The following ELMO1 variants were observed in gnomAD, a reference collection of about 807,000 sequenced individuals.
ELMO1 encodes the protein engulfment and cell motility protein 1.
In ELMO1, 26 loss-of-function variants were observed where a neutral mutation model predicts 98.9. The ratio of observed to expected loss-of-function variants is 0.26; its 90% confidence interval spans 0.19 to 0.36. The LOEUF (loss-of-function observed/expected upper bound fraction) is 0.36, where lower values mean the gene tolerates loss of function less well. Among genes scored for constraint, ELMO1 ranks in the 10% least tolerant of loss-of-function variants. The probability of loss-of-function intolerance (pLI) is 1.00; values close to 1 mark genes in which losing one functional copy is unlikely to be tolerated. For missense variants in ELMO1, 627 were observed against 935.2 expected, an observed-to-expected ratio of 0.67 and a Z score of 4.30; for synonymous variants, 346 against 346.0, an observed-to-expected ratio of 1.00 and a Z score of 0.00.
At chr7:37,226,814 A>G (rs1340840604) in intron 8 of ELMO1, among the ~76,000 whole-genome samples, 1 of 152,174 alleles carries the variant, frequency 6.6e-6, no homozygotes, top group Non-Finnish European at 1.5e-5. Flanking sequence ...CTCATCATTA[A>G]GTGATCCATT....
intron 4 of ELMO1, among the ~76,000 whole-genome samples, chr7:37,290,815 C>T (rs1043759598): frequency 1.3e-5 from 2 of 151,634 alleles, no homozygotes; most frequent in South Asian, 4.2e-4. Flanking sequence ...TGCTAAAATT[C>T]ATATGGAGGA....
At chr7:37,417,461 A>C (rs1263712326) in intron 1 of ELMO1, among the ~76,000 whole-genome samples, 1 of 152,154 alleles carries the variant, frequency 6.6e-6, no homozygotes, top group Non-Finnish European at 1.5e-5. Context: ...GCAGATCGAG[A>C]CCATCTGGCT....
At chr7:37,191,873 G>A (rs1450888512) in intron 13 of ELMO1, among the ~76,000 whole-genome samples, 6 of 152,090 alleles carry the variant, frequency 3.9e-5, no homozygotes, top group Admixed American at 1.3e-4. Context: ...AGCCAAGATC[G>A]CACCAGTGAC....
chr7:37,149,565 G>A (rs1465792278), intron 13 of ELMO1, among the ~76,000 whole-genome samples: 1 of 152,140 alleles, frequency 6.6e-6, no homozygotes, highest in African/African-American at 2.4e-5. Context: ...AGTCATATTG[G>A]AACTCAGTCA....
chr7:37,222,557 T>A, intron 10 of ELMO1, 58 bp downstream of exon 10: 1 of 1,542,628 alleles, frequency 6.5e-7, no homozygotes, highest in Non-Finnish European at 8.9e-7. Flanking sequence ...GAGGGCGTTC[T>A]CTGCACACAA....
chr7:36,897,804 G>C (rs150037683), intron 16 of ELMO1, among the ~76,000 whole-genome samples: 6 of 152,330 alleles, frequency 3.9e-5, no homozygotes, highest in African/African-American at 1.2e-4. Flanking sequence ...TACATAAGTA[G>C]AGCAATCCTT....
rs764240506 is a variant in ELMO1, at chr7:37,244,339, C to T, written c.449+17G>A. ...GAAGGGTTAAATCATCAATATCAAT[C>T]GATCAAATATTCTTACCAAGGCTTC... On this transcript the variant is annotated intron_variant, in intron 7 of 21. Coordinates refer to ENST00000310758, the MANE Select transcript of ELMO1 (RefSeq NM_014800.11). The T allele has an allele frequency of 9.3e-6, 15 of 1,611,208 alleles. No homozygotes were observed. Among genetic ancestry groups the T allele is most frequent in the South Asian group, 3.3e-5 (3 of 90,476 alleles).
intron 4 of ELMO1, among the ~76,000 whole-genome samples, chr7:37,278,140 G>A (rs1185566255): frequency 1.2e-3 from 41 of 33,380 alleles, no homozygotes; most frequent in Admixed American, 1.6e-3. Flanking sequence ...TTTTTTTGGC[G>A]GGGCTGGGGG....
chr7:37,387,716 G>A (rs1266917805), intron 1 of ELMO1, among the ~76,000 whole-genome samples: 3 of 152,158 alleles, frequency 2.0e-5, no homozygotes, highest in African/African-American at 4.8e-5. Flanking sequence ...TGTTCCACTC[G>A]CTGTCCTGAA....
intron 4 of ELMO1, among the ~76,000 whole-genome samples, chr7:37,304,996 A>T (rs1798537119): frequency 6.6e-6 from 1 of 152,084 alleles, no homozygotes; most frequent in Non-Finnish European, 1.5e-5. Context: ...GGTAGGGGAG[A>T]AAATATCGGC....
At chr7:37,378,487 C>A (rs1802449846) in intron 1 of ELMO1, among the ~76,000 whole-genome samples, 1 of 151,970 alleles carries the variant, frequency 6.6e-6, no homozygotes, top group South Asian at 2.1e-4. Context: ...AGAGGGGTTA[C>A]CAAATCTGGA....
intron 21 of ELMO1, among the ~76,000 whole-genome samples, chr7:36,859,857 C>T (rs1009781609): frequency 3.3e-5 from 5 of 151,996 alleles, no homozygotes; most frequent in African/African-American, 1.2e-4. Flanking sequence ...TTCAATAAAA[C>T]TTATACCAAG....
chr7:37,313,242 C>A (rs991360174), intron 4 of ELMO1, among the ~76,000 whole-genome samples: 4 of 151,950 alleles, frequency 2.6e-5, no homozygotes, highest in East Asian at 1.9e-4. Flanking sequence ...CTTTTTCTCT[C>A]GAGATGGAGT....
At chr7:37,270,082 A>G (rs1796475437) in intron 5 of ELMO1, 1 of 152,212 alleles carries the variant, frequency 6.6e-6, no homozygotes, top group Non-Finnish European at 1.5e-5. Flanking sequence ...CTGTCCAGCA[A>G]GCAGATGATG....
At chr7:37,276,761 T>C (rs760571666) in intron 4 of ELMO1, among the ~76,000 whole-genome samples, 4 of 152,198 alleles carry the variant, frequency 2.6e-5, no homozygotes, top group Admixed American at 6.5e-5. Context: ...GGATAACAAA[T>C]ATTAGCAAAT....
chr7:37,194,233 C>A (rs1308525064), intron 13 of ELMO1, among the ~76,000 whole-genome samples: 1 of 152,224 alleles, frequency 6.6e-6, no homozygotes, highest in East Asian at 1.9e-4. Flanking sequence ...CATTGGCCTT[C>A]TGGCTATCTC....
At chr7:37,033,558 G>A (rs2129187645) in intron 15 of ELMO1, 2 of 371,738 alleles carry the variant, frequency 5.4e-6, no homozygotes, top group South Asian at 4.1e-5. Flanking sequence ...GCATTCCAAT[G>A]TCAAGGCCTG....
chr7:36,999,693 T>C (rs776131174), intron 16 of ELMO1, among the ~76,000 whole-genome samples: 5 of 152,222 alleles, frequency 3.3e-5, no homozygotes, highest in Admixed American at 6.5e-5. Flanking sequence ...TAATTTTTGG[T>C]TGAGCCATTT....
chr7:36,931,532 C>T (rs776985093), intron 16 of ELMO1, among the ~76,000 whole-genome samples: 2 of 152,162 alleles, frequency 1.3e-5, no homozygotes, highest in East Asian at 1.9e-4. Flanking sequence ...ACCCGGGAGG[C>T]GGAGGTTGCA....
Sources: gnomAD v4.1 joint callset for allele counts (sites outside exome capture counted in the v4.1 genomes callset) on GRCh38, gnomAD v4.1.1 for gene constraint, MANE v1.5 for transcripts, NCBI Gene and HGNC (gene_info 2026-07-23, HGNC 2026-07-21) for gene names.